Variants in GCSAML observed in about 807,000 individuals in gnomAD.
The protein encoded by GCSAML is germinal center associated signaling and motility like.
GCSAML carries 9 observed loss-of-function variants against 13.0 expected under a neutral mutation model. That is an observed-to-expected ratio of 0.69 (90% CI 0.42 to 1.21). The LOEUF (loss-of-function observed/expected upper bound fraction) is 1.21. Among genes scored for constraint, GCSAML ranks in the 50% most tolerant of loss-of-function variants. The pLI is 0.00. For missense variants in GCSAML, 143 were observed against 153.4 expected (o/e 0.93, Z 0.36); for synonymous variants, 37 against 52.9 (o/e 0.70, Z 1.31).
intron 1 of GCSAML, among the ~76,000 whole-genome samples, chr1:247,510,493 T>A (rs985304847): frequency 6.6e-6 from 1 of 152,200 alleles, no homozygotes; most frequent in African/African-American, 2.4e-5. Context: ...ATTTTTCGTG[T>A]CTCTATCTCC....
At chr1:247,562,278 C>A (rs1412399390) in intron 2 of GCSAML, among the ~76,000 whole-genome samples, 1 of 152,064 alleles carries the variant, frequency 6.6e-6, no homozygotes, top group Non-Finnish European at 1.5e-5. Flanking sequence ...TTCTCAGGCT[C>A]CTCAGGAAGA....
upstream of GCSAML, chr1:247,548,908 G>T: frequency 1.9e-6 from 1 of 535,430 alleles, no homozygotes; most frequent in Non-Finnish European, 3.2e-6. This position sits in a 1 kb window ranked among gnomAD's most constrained non-coding sequence, Gnocchi z 5.3. Context: ...TCATGTTTCA[G>T]CCTGATTTTT....
At chr1:247,557,661 C>T (rs1668001154) in intron 2 of GCSAML, among the ~76,000 whole-genome samples, 1 of 152,134 alleles carries the variant, frequency 6.6e-6, no homozygotes, top group South Asian at 2.1e-4. Flanking sequence ...CTTTCCTGCA[C>T]AAAGGAGAGA....
chr1:247,571,355 A>G (rs1428289439), intron 4 of GCSAML, among the ~76,000 whole-genome samples: 2 of 152,024 alleles, frequency 1.3e-5, no homozygotes, highest in African/African-American at 2.4e-5. Context: ...TCCTTTGTAT[A>G]TTTAGTGCTT....
At chr1:247,556,930 A>T (rs1187961880) in intron 2 of GCSAML, among the ~76,000 whole-genome samples, 1 of 151,982 alleles carries the variant, frequency 6.6e-6, no homozygotes, top group African/African-American at 2.4e-5. Flanking sequence ...CATCTCTCCC[A>T]TCTGGTTCCT....
In GCSAML at chr1:247,562,780, C is replaced by T. The variant is rs10925081; in HGVS notation, c.90-810C>T. 8.6e-3 allele frequency among the ~76,000 whole-genome samples: 1,306 copies of T among 152,088 alleles called. 26 individuals are homozygous for T. The highest frequency in any genetic ancestry group is 0.029 in the African/African-American group (1,217 of 41,466). On this transcript the variant is annotated intron_variant, in intron 2 of 4. Coordinates refer to ENST00000366488, the MANE Select transcript of GCSAML (RefSeq NM_145278.5). ...ATCCTCTTTATTGTGTAAATTGTGT[C>T]CCTTTAAAAATAATCTCTATTTCTT...
intron 2 of GCSAML, among the ~76,000 whole-genome samples, chr1:247,559,569 A>G (rs1668055695): frequency 6.6e-6 from 1 of 152,150 alleles, no homozygotes. Flanking sequence ...GGGAGGATAG[A>G]GGGAGGTCCT....
chr1:247,531,338 C>T (rs1350148233), intron 2 of GCSAML: 2 of 590,040 alleles, frequency 3.4e-6, no homozygotes, highest in South Asian at 2.2e-5. Context: ...TAGCAAAAAC[C>T]AACAACGCAA....
chr1:247,556,745 A>G (rs913643423), intron 2 of GCSAML, among the ~76,000 whole-genome samples: 1 of 152,180 alleles, frequency 6.6e-6, no homozygotes, highest in Non-Finnish European at 1.5e-5. Flanking sequence ...TTGGTTGGTT[A>G]TATGTGGTGG....
At chr1:247,512,903 C>T (rs542518225) in intron 1 of GCSAML, among the ~76,000 whole-genome samples, 53 of 152,282 alleles carry the variant, frequency 3.5e-4, no homozygotes, top group African/African-American at 1.2e-3. Flanking sequence ...CAGAGAAGCA[C>T]CCACCAGATG....
At chr1:247,556,491 TTTTTGTTTTG>T (rs558022342) in intron 2 of GCSAML, 25 bp downstream of exon 2, 5 of 1,567,366 alleles carry the variant, frequency 3.2e-6, no homozygotes, top group Admixed American at 1.8e-5. Flanking sequence ...TCTCAGAGTT[TTTTTGTTTTG>T]TTTTGTTTTG....
intron 2 of GCSAML, among the ~76,000 whole-genome samples, chr1:247,540,531 G>C (rs1297740607): frequency 6.6e-6 from 1 of 152,206 alleles, no homozygotes; most frequent in African/African-American, 2.4e-5. Flanking sequence ...GTCTTGTTCT[G>C]TCAGAATAGA....
intron 2 of GCSAML, among the ~76,000 whole-genome samples, chr1:247,540,487 T>C (rs568417860): frequency 6.6e-6 from 1 of 152,378 alleles, no homozygotes; most frequent in South Asian, 2.1e-4. Flanking sequence ...TCAGCACGTA[T>C]TGAAGCATTC....
Position 247,531,755 on chromosome 1 carries a change from A to G in GCSAML, c.-148+4701A>G, listed in dbSNP as rs768620569. On this transcript the variant is annotated intron_variant, in intron 2 of 5. Coordinates refer to the GCSAML transcript ENST00000366489. Reference sequence around the variant, plus strand: ...AGATACATGAAGATGATGCTCCCGTAAAACAGAGACACCACAGCCACGTGG... The same window carrying G: ...AGATACATGAAGATGATGCTCCCGTGAAACAGAGACACCACAGCCACGTGG... 5 of 1,614,108 alleles carry G rather than the reference A, an allele frequency of 3.1e-6. No homozygotes were observed. In the Admixed American group the frequency reaches 8.3e-5, roughly 27 times the overall value.
chr1:247,545,366 C>T (rs1572339951), upstream of GCSAML, among the ~76,000 whole-genome samples: 1 of 152,200 alleles, frequency 6.6e-6, no homozygotes, highest in African/African-American at 2.4e-5. Context: ...GCAAATTTGC[C>T]AGCTAGTATT....
intron 2 of GCSAML, chr1:247,532,284 CG>C: frequency 6.2e-7 from 1 of 1,614,124 alleles, no homozygotes; most frequent in Non-Finnish European, 8.5e-7. Flanking sequence ...GGACAATGCT[CG>C]TGGTGAAGCT....
chr1:247,529,095 G>C (rs1389737620), intron 2 of GCSAML: 2 of 152,126 alleles, frequency 1.3e-5, no homozygotes, highest in African/African-American at 4.8e-5. Flanking sequence ...CTATTTCCAG[G>C]CGTCTGGCTG....
chr1:247,521,733 C>T (rs1034658558), intron 1 of GCSAML, among the ~76,000 whole-genome samples: 7 of 152,216 alleles, frequency 4.6e-5, no homozygotes, highest in Admixed American at 6.5e-5. Flanking sequence ...CTCGCTACAA[C>T]CTCCACCTCC....
intron 2 of GCSAML, among the ~76,000 whole-genome samples, chr1:247,540,772 G>A (rs1342122678): frequency 1.3e-5 from 2 of 152,170 alleles, no homozygotes; most frequent in Admixed American, 6.5e-5. Context: ...GAAAGGATAA[G>A]ACTGCACTCC....
Sources: gnomAD v4.1 joint callset for allele counts (sites outside exome capture counted in the v4.1 genomes callset) on GRCh38, gnomAD v4.1.1 for gene constraint, Gnocchi (gnomAD v3.1) non-coding constraint, MANE v1.5 for transcripts, NCBI Gene and HGNC (gene_info 2026-07-23, HGNC 2026-07-21) for gene names.